The following FGF14 variants were observed in gnomAD, a reference collection of about 807,000 sequenced individuals.
The protein encoded by FGF14 is fibroblast growth factor homologous factor 4.
FGF14 carries 5 observed loss-of-function variants against 25.5 expected under a neutral mutation model. The ratio of observed to expected loss-of-function variants is 0.20; its 90% CI spans 0.10 to 0.41. The LOEUF is 0.41. FGF14 is among the 10% of genes least tolerant of loss of function. FGF14 has a pLI of 1.00. For missense variants in FGF14, 222 were observed against 320.1 expected, an observed-to-expected ratio of 0.69 and a Z score of 2.34; for synonymous variants, 138 against 118.3, an observed-to-expected ratio of 1.17 and a Z score of -1.08.
At chr13:102,285,254 T>C (rs2141234255) in intron 1 of FGF14, among the ~76,000 whole-genome samples, 1 of 152,336 alleles carries the variant, frequency 6.6e-6, no homozygotes, top group Non-Finnish European at 1.5e-5. Context: ...TTATACATTC[T>C]GCTTCGAAGT....
intron 1 of FGF14, among the ~76,000 whole-genome samples, chr13:101,891,437 G>T (rs1375327786): frequency 6.6e-6 from 1 of 152,146 alleles, no homozygotes; most frequent in Non-Finnish European, 1.5e-5. Context: ...ATACAAGAAT[G>T]CATCCTTCTC....
chr13:101,766,031 C>A (rs183248502), intron 3 of FGF14, among the ~76,000 whole-genome samples: 58 of 152,080 alleles, frequency 3.8e-4, no homozygotes, highest in African/African-American at 1.3e-3. Flanking sequence ...GCCTGGCCAG[C>A]CTTTTACTTC....
chr13:101,793,076 G>A (rs958444014), intron 3 of FGF14, among the ~76,000 whole-genome samples: 2 of 152,044 alleles, frequency 1.3e-5, no homozygotes, highest in Non-Finnish European at 2.9e-5. Context: ...GTTATTAGCT[G>A]TATTCACTAC....
intron 1 of FGF14, among the ~76,000 whole-genome samples, chr13:102,086,803 A>G (rs778460431): frequency 2.0e-5 from 3 of 152,214 alleles, no homozygotes; most frequent in Non-Finnish European, 4.4e-5. Flanking sequence ...TGGAATTTCA[A>G]TATGTACAAT....
At chr13:101,895,057 C>T (rs975217715) in intron 1 of FGF14, among the ~76,000 whole-genome samples, 1 of 152,058 alleles carries the variant, frequency 6.6e-6, no homozygotes, top group African/African-American at 2.4e-5. Context: ...AAATTATTTG[C>T]TGAATATATC....
At chr13:102,135,947 C>T (rs1017815182) in intron 1 of FGF14, among the ~76,000 whole-genome samples, 2 of 152,158 alleles carry the variant, frequency 1.3e-5, no homozygotes, top group Non-Finnish European at 2.9e-5. Context: ...TGAGCCACCA[C>T]GCCCGGCCCC....
At chr13:102,161,959 C>G (rs2047797132) in intron 1 of FGF14, among the ~76,000 whole-genome samples, 1 of 151,894 alleles carries the variant, frequency 6.6e-6, no homozygotes. Flanking sequence ...AGTAGGGTTT[C>G]AAGAAACACC....
intron 3 of FGF14, among the ~76,000 whole-genome samples, chr13:101,847,661 T>C (rs1169237419): frequency 6.6e-6 from 1 of 152,058 alleles, no homozygotes; most frequent in East Asian, 1.9e-4. Flanking sequence ...AAATAAACAT[T>C]TAACCCTTTC....
At chr13:102,377,572 G>A (rs1307462929) in intron 1 of FGF14, among the ~76,000 whole-genome samples, 1 of 152,180 alleles carries the variant, frequency 6.6e-6, no homozygotes, top group African/African-American at 2.4e-5. Flanking sequence ...ACTTTGGGAG[G>A]TTGAGGCAGG....
Position 101,916,793 on chromosome 13 carries a change from G to T in FGF14, c.-148C>A. On this transcript the variant is annotated 5_prime_UTR_variant, in exon 1 of 5. Transcript: ENST00000376143. ...CGGGACTGGGGAGAGGGGAAGGGGG[G>T]CTCAGTCCTGACCGGGACCCATCGC... 3 of 680,772 alleles carry T rather than the reference G, an allele frequency of 4.4e-6. No individual in the cohort carries two copies. The highest frequency in any genetic ancestry group is 1.9e-5 in the African/African-American group (1 of 52,920). The allele number at this position is 680,772 out of a possible 1,614,324, so 42.2% of individuals were successfully genotyped here.
At chr13:102,016,138 T>A (rs867658313) in intron 1 of FGF14, among the ~76,000 whole-genome samples, 2 of 152,134 alleles carry the variant, frequency 1.3e-5, no homozygotes, top group African/African-American at 4.8e-5. Context: ...GTATTTTAGT[T>A]CATTTAGTCA....
intron 1 of FGF14, among the ~76,000 whole-genome samples, chr13:102,336,226 G>C (rs1262947293): frequency 1.3e-5 from 2 of 152,184 alleles, no homozygotes; most frequent in African/African-American, 4.8e-5. Flanking sequence ...TGAAGGAAAA[G>C]TTCTTAAAGG....
chr13:102,342,331 G>A (rs1007209061), intron 1 of FGF14, among the ~76,000 whole-genome samples: 2 of 152,024 alleles, frequency 1.3e-5, no homozygotes, highest in African/African-American at 4.8e-5. Flanking sequence ...GGGGAGGAAG[G>A]CATTTTGGAA....
chr13:102,263,133 G>A, intron 1 of FGF14: 1 of 614,952 alleles, frequency 1.6e-6, no homozygotes, highest in Non-Finnish European at 3.1e-6. Flanking sequence ...TGGGGAATGG[G>A]ATGATTTTGC....
At chr13:102,135,017 CCACA>C (rs71125050) in intron 1 of FGF14, among the ~76,000 whole-genome samples, 27,059 of 142,332 alleles carry the variant, frequency 0.19, 2,436 homozygotes, top group Middle Eastern at 0.22. Context: ...GACCCCGTGT[CCACA>C]CACACACACA....
intron 1 of FGF14, among the ~76,000 whole-genome samples, chr13:101,959,762 T>C (rs1319342540): frequency 3.9e-5 from 6 of 152,244 alleles, no homozygotes; most frequent in Non-Finnish European, 8.8e-5. Context: ...ACTATAGTGA[T>C]TTGTATTCTT....
At chr13:102,379,772 T>C (rs999210594) in intron 1 of FGF14, among the ~76,000 whole-genome samples, 1 of 152,140 alleles carries the variant, frequency 6.6e-6, no homozygotes, top group Non-Finnish European at 1.5e-5. Context: ...TAATTGTACT[T>C]TTCTCTGGCA....
At chr13:101,982,594 A>C (rs1350279311) in intron 1 of FGF14, among the ~76,000 whole-genome samples, 1 of 152,204 alleles carries the variant, frequency 6.6e-6, no homozygotes, top group Non-Finnish European at 1.5e-5. Context: ...TTCATCTGTT[A>C]TCTAAGAGTG....
At chr13:101,861,355 C>T (rs2044406359) in intron 3 of FGF14, among the ~76,000 whole-genome samples, 1 of 152,082 alleles carries the variant, frequency 6.6e-6, no homozygotes, top group Non-Finnish European at 1.5e-5. Context: ...CCACCCTGTC[C>T]TGCTTCTGGG....
Sources: gnomAD v4.1 joint callset for allele counts (sites outside exome capture counted in the v4.1 genomes callset) on GRCh38, gnomAD v4.1.1 for gene constraint, MANE v1.5 for transcripts, NCBI Gene and HGNC (gene_info 2026-07-23, HGNC 2026-07-21) for gene names.